RASSF6: variants seen among roughly 807,000 people sequenced by gnomAD.
RASSF6 encodes the protein Ras association domain family member 6, also known as ras association domain-containing protein 6.
A neutral mutation model predicts 44.0 loss-of-function variants in RASSF6; 52 were observed. That is an observed-to-expected ratio of 1.18 (90% CI 0.95 to 1.49). RASSF6 has a LOEUF of 1.49. Ranked by LOEUF, RASSF6 falls within the 40% of genes most tolerant of loss-of-function variation. The probability of loss-of-function intolerance (pLI) is 0.00; values close to 1 mark genes in which losing one functional copy is unlikely to be tolerated. For synonymous variants in RASSF6, 162 were observed against 124.6 expected (o/e 1.30, Z -2.00); for missense variants, 464 against 393.3 (o/e 1.18, Z -1.52).
chr4:73,612,610 A>C (rs564165362), intron 1 of RASSF6, among the ~76,000 whole-genome samples: 1 of 151,994 alleles, frequency 6.6e-6, no homozygotes, highest in East Asian at 1.9e-4. Context: ...CTAACTCTTC[A>C]GAGTACCAGG....
chr4:73,577,375 A>G (rs1723305087), intron 8 of RASSF6, among the ~76,000 whole-genome samples: 1 of 152,212 alleles, frequency 6.6e-6, no homozygotes, highest in African/African-American at 2.4e-5. Flanking sequence ...AAGTACTTAT[A>G]GCTTTCTGTC....
chr4:73,619,137 GTCTCC>G (rs1204398257), intron 1 of RASSF6, among the ~76,000 whole-genome samples: 1 of 152,198 alleles, frequency 6.6e-6, no homozygotes, highest in Non-Finnish European at 1.5e-5. Flanking sequence ...TTCAAAAGCA[GTCTCC>G]TTTATAAAAC....
rs770949621 is a variant in RASSF6 at position 73,585,220 on chromosome 4, TTC to T, written c.525_526del (p.Asn177Ter). ...GTGTCCATTAATAGAGGCTCTATTT[TTC>T]TGTCTTTCTTTTCTGTCCATCATCA... On this transcript the variant is annotated frameshift_variant, in exon 6 of 11. Coordinates refer to ENST00000307439, the MANE Select transcript of RASSF6 (RefSeq NM_177532.5). LOFTEE classifies it high-confidence loss of function. The T allele has an allele frequency of 2.5e-6, 4 of 1,611,038 alleles. No individual in the cohort carries two copies. The African/African-American group carries it at 4.0e-5, about 16-fold the overall frequency.
intron 8 of RASSF6, among the ~76,000 whole-genome samples, chr4:73,579,423 C>T (rs1337930040): frequency 6.6e-6 from 1 of 151,888 alleles, no homozygotes; most frequent in Non-Finnish European, 1.5e-5. Context: ...ATCTTTTTAC[C>T]CTGATGCATG....
intron 1 of RASSF6, among the ~76,000 whole-genome samples, chr4:73,617,129 G>A (rs1726414772): frequency 6.6e-6 from 1 of 152,192 alleles, no homozygotes; most frequent in South Asian, 2.1e-4. Context: ...TGCAGTCAGT[G>A]ATTGTTGGTT....
intron 1 of RASSF6, chr4:73,615,808 A>G: frequency 8.8e-7 from 1 of 1,133,574 alleles, no homozygotes; most frequent in East Asian, 2.6e-5. Flanking sequence ...GTTGGGCAGC[A>G]TTAGCGTTCC....
intron 2 of RASSF6, among the ~76,000 whole-genome samples, chr4:73,610,838 G>T (rs1166623500): frequency 6.6e-6 from 1 of 152,194 alleles, no homozygotes; most frequent in Non-Finnish European, 1.5e-5. Context: ...TAAGGGTTTT[G>T]TTTGGTTCAT....
intron 2 of RASSF6, among the ~76,000 whole-genome samples, chr4:73,607,037 G>A (rs1725689231): frequency 6.6e-6 from 1 of 152,094 alleles, no homozygotes; most frequent in Admixed American, 6.5e-5. Context: ...TTGTTCTTCA[G>A]TAATGCTGCC....
At chr4:73,603,164 T>A (rs1052017019) in intron 2 of RASSF6, among the ~76,000 whole-genome samples, 8 of 152,024 alleles carry the variant, frequency 5.3e-5, no homozygotes, top group Non-Finnish European at 1.2e-4. Context: ...ACACAAAAAA[T>A]TGATTTTCTA....
intron 1 of RASSF6, chr4:73,616,021 T>C: frequency 8.0e-7 from 1 of 1,256,058 alleles, no homozygotes; most frequent in Admixed American, 2.0e-5. Flanking sequence ...GTTACATATC[T>C]AAAAGTGGAA....
intron 2 of RASSF6, among the ~76,000 whole-genome samples, chr4:73,606,547 T>C (rs116318385): frequency 8.8e-4 from 134 of 152,224 alleles, no homozygotes; most frequent in African/African-American, 3.1e-3. Context: ...AATGGAGCAA[T>C]TAGGCTGGTA....
At chr4:73,600,387 A>T (rs1187785697) in intron 2 of RASSF6, among the ~76,000 whole-genome samples, 1 of 144,276 alleles carries the variant, frequency 6.9e-6, no homozygotes, top group Admixed American at 6.9e-5. Flanking sequence ...CGGTTTTATA[A>T]AAAAAAAAAA....
At chr4:73,595,144 A>G (rs1724842333) in intron 3 of RASSF6, among the ~76,000 whole-genome samples, 1 of 152,178 alleles carries the variant, frequency 6.6e-6, no homozygotes, top group South Asian at 2.1e-4. Flanking sequence ...CACCTCATAC[A>G]GTTTTTAAAA....
intron 1 of RASSF6, among the ~76,000 whole-genome samples, chr4:73,613,590 A>T (rs1726166730): frequency 6.6e-6 from 1 of 151,978 alleles, no homozygotes; most frequent in Non-Finnish European, 1.5e-5. Context: ...TATTCCTTTA[A>T]TTTAGCCCTA....
rs1381863258 is a variant in RASSF6, at chr4:73,597,437, C to T, written c.144+1203G>A. 2.0e-5 allele frequency among the ~76,000 whole-genome samples: 3 copies of T among 152,158 alleles called. No individual in the cohort carries two copies. In the South Asian group the frequency reaches 6.2e-4, roughly 32 times the overall value. Reference sequence around the variant, plus strand: ...ACCACAATGAGATACCATCTCACACCAGTCAGAATGTCTATTATTAAAAAG... The same window carrying T: ...ACCACAATGAGATACCATCTCACACTAGTCAGAATGTCTATTATTAAAAAG... On this transcript the variant is annotated intron_variant, in intron 3 of 10. Coordinates refer to ENST00000307439, the MANE Select transcript of RASSF6 (RefSeq NM_177532.5).
At chr4:73,598,836 T>G (rs968545392) in intron 2 of RASSF6, 118 bp from the exon 3 acceptor site, 5 of 504,178 alleles carry the variant, frequency 9.9e-6, no homozygotes, top group African/African-American at 8.1e-5. Context: ...ATCTTTACTG[T>G]TCTGTCACTT....
intron 4 of RASSF6, among the ~76,000 whole-genome samples, chr4:73,592,735 G>A (rs188754640): frequency 6.6e-6 from 1 of 152,262 alleles, no homozygotes; most frequent in Admixed American, 6.5e-5. Flanking sequence ...AGCACAATGA[G>A]CCCTTTGTTC....
chr4:73,590,145 C>T (rs1177381954), intron 4 of RASSF6, among the ~76,000 whole-genome samples: 2 of 152,142 alleles, frequency 1.3e-5, no homozygotes, highest in Non-Finnish European at 2.9e-5. Flanking sequence ...AAGTACTGCC[C>T]ATAGAATTGT....
Position 73,576,507 on chromosome 4 carries a change from C to T in RASSF6, c.841G>A (p.Val281Met), listed in dbSNP as rs748531577. 27 of 1,565,734 alleles carry T rather than the reference C, an allele frequency of 1.7e-5. No individual in the cohort carries two copies. Among genetic ancestry groups the T allele is most frequent in the Non-Finnish European group, 1.9e-5 (22 of 1,155,188 alleles). ...DKDAEEISSD[V>M]AQYINFHFSL... ...AAGTGAAAGTTAATGTACTGAGCCACCTAAGAAAGAAGAAGAAGAAAAAAA... is the reference window on the plus strand; with the variant it reads ...AAGTGAAAGTTAATGTACTGAGCCATCTAAGAAAGAAGAAGAAGAAAAAAA... Residue 281 changes from valine (V) to methionine (M), a missense_variant and splice_region_variant, in exon 10 of 11, where the codon GTG becomes ATG. By Grantham distance (21) the Val-to-Met change is conservative. Transcript: ENST00000307439.
Sources: gnomAD v4.1 joint callset for allele counts (sites outside exome capture counted in the v4.1 genomes callset) on GRCh38, gnomAD v4.1.1 for gene constraint, MANE v1.5 for transcripts, NCBI Gene and HGNC (gene_info 2026-07-23, HGNC 2026-07-21) for gene names.